The following CELF6 variants were observed in gnomAD, a reference collection of about 807,000 sequenced individuals.
CELF6 encodes Bruno -like 6, RNA binding protein.
In CELF6, 32 loss-of-function variants were observed where a neutral mutation model predicts 53.1. The observed-to-expected ratio is 0.60, with a 90% CI of 0.46 to 0.81. The LOEUF (loss-of-function observed/expected upper bound fraction) is 0.81. Ranked by LOEUF, CELF6 falls within the 30% of genes least tolerant of loss-of-function variation. The pLI, the probability that CELF6 is intolerant of heterozygous loss-of-function variation, is 0.00. For missense variants in CELF6, 539 were observed against 669.5 expected, an observed-to-expected ratio of 0.81 and a Z score of 2.15; for synonymous variants, 291 against 288.8, an observed-to-expected ratio of 1.01 and a Z score of -0.08.
chr15:72,288,335 G>A lies in CELF6; in HGVS notation c.1291C>T (p.Arg431Ter), dbSNP rs2087948223. Residue 431 changes from arginine to a stop codon, truncating the protein, a stop_gained, in exon 11 of 13, where the codon CGA becomes TGA. Transcript: ENST00000287202. LOFTEE classifies it high-confidence loss of function. This position sits in a 1 kb window ranked among gnomAD's most constrained non-coding sequence, Gnocchi z 4.6. ...AAACACTTGCTCTGGTTGGTGGCTC[G>A]ATCCACAAAGACTTTAGCAGAGACA... ...AVVSAKVFVD[R>*]ATNQSKCFGF... 6.2e-7 allele frequency: 1 copy of A among 1,614,158 alleles called. No individual in the cohort carries two copies.
At position 72,289,380 on chromosome 15, in the gene CELF6, G is replaced by C. The variant is rs199558643; in HGVS notation, c.875C>G (p.Ala292Gly). 1.3e-6 allele frequency: 2 copies of C among 1,553,012 alleles called. No individual in the cohort carries two copies. The highest frequency in any genetic ancestry group is 2.7e-5 in the African/African-American group (2 of 74,076). Reference protein sequence around the residue: ...FSLVAAPLLPAAAANSPPGSG... With the variant: ...FSLVAAPLLPGAAANSPPGSG... ...CCAGTCCCTGGGGGCCGTACCTGCC[G>C]CGGGCAACAGAGGCGCAGCTACCAG... The change falls in exon 7 of 13, where the codon GCG becomes GGG. Residue 292 changes from alanine (A) to glycine (G), a missense_variant. Physicochemically the swap from Ala to Gly is moderately conservative, Grantham distance 60. This residue lies in a region of CELF6 where 358 missense variants were observed against 412.8 expected (regional missense o/e 0.87). Transcript: ENST00000287202. This position sits in a 1 kb window ranked among gnomAD's most constrained non-coding sequence, Gnocchi z 7.6.
chr15:72,288,156 A>G lies in CELF6; in HGVS notation c.1318+152T>C. ...CCCGGCCAAGGCTTGTTGTTGGCCT[A>G]AACTTAGGCCCATCACTGGTTTGTG... On this transcript the variant is annotated intron_variant, in intron 11 of 12. Coordinates refer to ENST00000287202, the MANE Select transcript of CELF6 (RefSeq NM_052840.5). This position sits in a 1 kb window ranked among gnomAD's most constrained non-coding sequence, Gnocchi z 4.6. 2.2e-6 allele frequency: 2 copies of G among 891,296 alleles called. No homozygotes were observed. Among genetic ancestry groups the G allele is most frequent in the East Asian group, 2.4e-5 (1 of 41,386 alleles). The allele number at this position is 891,296 out of a possible 1,614,324, so 55.2% of individuals were successfully genotyped here.
chr15:72,303,024 G>A (rs2088178648), intron 3 of CELF6, among the ~76,000 whole-genome samples: 1 of 152,170 alleles, frequency 6.6e-6, no homozygotes, highest in African/African-American at 2.4e-5. Context: ...CAGGTACCAG[G>A]TCTGCTTTGC....
chr15:72,301,600 G>A (rs1389439035), intron 3 of CELF6, among the ~76,000 whole-genome samples: 2 of 152,138 alleles, frequency 1.3e-5, no homozygotes, highest in Non-Finnish European at 2.9e-5. Context: ...GGTCAGGTGT[G>A]TGTGACCATT....
At chr15:72,290,606 A>T (rs1222270062) in intron 3 of CELF6, among the ~76,000 whole-genome samples, 2 of 152,136 alleles carry the variant, frequency 1.3e-5, no homozygotes, top group African/African-American at 4.8e-5. Flanking sequence ...AGGTTGGGAA[A>T]CGCTGTTTTG....
chr15:72,315,795 C>A (rs1218678411), intron 2 of CELF6, 50 bp downstream of exon 2: 1 of 1,298,356 alleles, frequency 7.7e-7, no homozygotes, highest in Admixed American at 2.1e-5. Flanking sequence ...GCACACAGGG[C>A]ACTGTCCCCA....
At position 72,289,427 on chromosome 15, in the gene CELF6, C is replaced by T; in HGVS notation, c.828G>A (p.Met276Ile). 1 of 1,549,876 alleles carries T rather than the reference C, an allele frequency of 6.5e-7. No homozygotes were observed. The highest frequency in any genetic ancestry group is 8.7e-7 in the Non-Finnish European group (1 of 1,155,550). ...LGPVAAVAAQ[M>I]QHVAAFSLVA... The stretch of plus-strand genomic sequence containing the variant: ...CCAGGCTAAAGGCCGCCACGTGTTG[C>T]ATCTGGGCCGCCACTGCCGCCACCG... The change falls in exon 7 of 13, where the codon ATG becomes ATA. Residue 276 changes from methionine to isoleucine, a missense_variant. Coordinates refer to ENST00000287202, the MANE Select transcript of CELF6 (RefSeq NM_052840.5). This position sits in a 1 kb window ranked among gnomAD's most constrained non-coding sequence, Gnocchi z 7.6.
At chr15:72,312,470 T>C (rs2088308854) in intron 2 of CELF6, among the ~76,000 whole-genome samples, 1 of 151,848 alleles carries the variant, frequency 6.6e-6, no homozygotes, top group African/African-American at 2.4e-5. Flanking sequence ...CTACTAAAAA[T>C]ACAAAAAAAT....
intron 11 of CELF6, 117 bp from the exon 12 acceptor site, chr15:72,287,509 C>T: frequency 8.9e-7 from 1 of 1,119,074 alleles, no homozygotes; most frequent in Non-Finnish European, 1.3e-6. Context: ...AACACATACC[C>T]CTCCACTGTT....
chr15:72,315,827 C>T lies in CELF6; in HGVS notation c.345+18G>A. On this transcript the variant is annotated intron_variant, in intron 2 of 12. Coordinates refer to ENST00000287202, the MANE Select transcript of CELF6 (RefSeq NM_052840.5). ...CCCAGCCTGAGGTGATTCCCACCCC[C>T]CAACCTGGAGGACTTACCCCTGGCA... The T allele has an allele frequency of 1.3e-6, 2 of 1,565,586 alleles. No homozygotes were observed. Among genetic ancestry groups the T allele is most frequent in the Non-Finnish European group, 8.7e-7 (1 of 1,149,772 alleles).
chr15:72,301,093 C>T (rs2088149781), intron 3 of CELF6, among the ~76,000 whole-genome samples: 1 of 152,052 alleles, frequency 6.6e-6, no homozygotes, highest in East Asian at 1.9e-4. Context: ...AAGTGATCCT[C>T]CTGCCTCAGC....
chr15:72,301,734 ATTTTTTTTT>A (rs34705032), intron 3 of CELF6, among the ~76,000 whole-genome samples: 1 of 125,870 alleles, frequency 7.9e-6, no homozygotes, highest in South Asian at 2.5e-4. Flanking sequence ...TAAAAAGTTG[ATTTTTTTTT>A]TTTTTTTTTT....
chr15:72,286,783 C>CTTT (rs1368878952), intron 12 of CELF6, among the ~76,000 whole-genome samples: 1 of 152,196 alleles, frequency 6.6e-6, no homozygotes, highest in Non-Finnish European at 1.5e-5. Flanking sequence ...TGTTCACTGC[C>CTTT]ACTATCTCAG....
At chr15:72,301,338 T>G (rs1473615696) in intron 3 of CELF6, among the ~76,000 whole-genome samples, 1 of 152,126 alleles carries the variant, frequency 6.6e-6, no homozygotes, top group East Asian at 1.9e-4. Context: ...CATTTAAGGT[T>G]ACCTACCTGG....
chr15:72,306,095 TC>T (rs945874033), intron 2 of CELF6: 5 of 984,696 alleles, frequency 5.1e-6, no homozygotes, highest in Admixed American at 6.2e-5. Flanking sequence ...CACATCCCCA[TC>T]CCCCAACCAC....
intron 3 of CELF6, among the ~76,000 whole-genome samples, chr15:72,293,329 C>T (rs2088031410): frequency 6.6e-6 from 1 of 152,130 alleles, no homozygotes; most frequent in African/African-American, 2.4e-5. Context: ...CTAACAGTAG[C>T]CCCGCAAACC....
Position 72,288,159 on chromosome 15 carries a change from C to T in CELF6, c.1318+149G>A. ...GGCCAAGGCTTGTTGTTGGCCTAAA[C>T]TTAGGCCCATCACTGGTTTGTGACC... On this transcript the variant is annotated intron_variant, in intron 11 of 12. Coordinates refer to ENST00000287202, the MANE Select transcript of CELF6 (RefSeq NM_052840.5). This position sits in a 1 kb window ranked among gnomAD's most constrained non-coding sequence, Gnocchi z 4.6. 1 of 904,820 alleles carries T rather than the reference C, an allele frequency of 1.1e-6. No homozygotes were observed. The highest frequency in any genetic ancestry group is 1.8e-6 in the Non-Finnish European group (1 of 564,314). The allele number at this position is 904,820 out of a possible 1,614,324, so 56.0% of individuals were successfully genotyped here. A position where few individuals can be genotyped will look rare whatever the true frequency, so the allele number is the denominator to read the frequency against.
At chr15:72,300,841 A>G (rs1453644936) in intron 3 of CELF6, among the ~76,000 whole-genome samples, 1 of 149,980 alleles carries the variant, frequency 6.7e-6, no homozygotes, top group Non-Finnish European at 1.5e-5. Flanking sequence ...CTCAAAAAGA[A>G]AAAAAAAAAA....
chr15:72,289,339 C>G lies in CELF6; in HGVS notation c.880+36G>C. ...AGGCCGCCACCCCGCCCCGCCCGGC[C>G]CCTCCCAGGCGCGCCCCAGTCCCTG... On this transcript the variant is annotated intron_variant, in intron 7 of 12. Coordinates refer to ENST00000287202, the MANE Select transcript of CELF6 (RefSeq NM_052840.5). This position sits in a 1 kb window ranked among gnomAD's most constrained non-coding sequence, Gnocchi z 7.6. The G allele has an allele frequency of 6.5e-7, 1 of 1,539,448 alleles. No individual in the cohort carries two copies. The highest frequency in any genetic ancestry group is 8.7e-7 in the Non-Finnish European group (1 of 1,150,076).
Sources: gnomAD v4.1 joint callset for allele counts (sites outside exome capture counted in the v4.1 genomes callset) on GRCh38, gnomAD v4.1.1 for gene constraint, gnomAD v4.1.1 regional missense constraint, Gnocchi (gnomAD v3.1) non-coding constraint, MANE v1.5 for transcripts, NCBI Gene and HGNC (gene_info 2026-07-23, HGNC 2026-07-21) for gene names.